The following DCC variants were observed in gnomAD, a reference collection of about 807,000 sequenced individuals.
The protein encoded by DCC is netrin receptor DCC.
DCC carries 58 observed loss-of-function variants against 172.5 expected under a neutral mutation model. The observed-to-expected ratio is 0.34, with a 90% confidence interval of 0.27 to 0.42. The LOEUF is 0.42. DCC is among the 10% of genes least tolerant of loss of function. The pLI is 1.00. For missense variants in DCC, 1,740 were observed against 1,791.0 expected, an observed-to-expected ratio of 0.97 and a Z score of 0.51; for synonymous variants, 709 against 644.5, an observed-to-expected ratio of 1.10 and a Z score of -1.52.
chr18:52,728,348 G>A (rs1208197613), intron 1 of DCC, among the ~76,000 whole-genome samples: 1 of 152,168 alleles, frequency 6.6e-6, no homozygotes, highest in Non-Finnish European at 1.5e-5. Context: ...AAGGGTAGAG[G>A]CATTTAGGAG....
At chr18:52,743,242 C>T (rs1208009515) in intron 1 of DCC, among the ~76,000 whole-genome samples, 1 of 152,176 alleles carries the variant, frequency 6.6e-6, no homozygotes, top group African/African-American at 2.4e-5. Context: ...GTTGACAGTT[C>T]TGCATTTATA....
At chr18:53,318,386 G>C (rs1321065349) in intron 13 of DCC, among the ~76,000 whole-genome samples, 2 of 152,072 alleles carry the variant, frequency 1.3e-5, no homozygotes, top group Non-Finnish European at 2.9e-5. Context: ...TTCCTGAGGA[G>C]TTTTTTTACC....
chr18:52,482,505 G>A (rs2030004059), intron 1 of DCC, among the ~76,000 whole-genome samples: 1 of 152,146 alleles, frequency 6.6e-6, no homozygotes, highest in African/African-American at 2.4e-5. Context: ...GCTGGCAGAT[G>A]CAGTGTCTGA....
rs570439452 is a variant in DCC at position 52,576,769 on chromosome 18, G to T, written c.92-175285G>T. Among the ~76,000 whole-genome samples, 386 of 150,172 alleles carry T rather than the reference G, an allele frequency of 2.6e-3. 1 individual carries two copies. Among genetic ancestry groups the T allele is most frequent in the Non-Finnish European group, 4.3e-3 (291 of 67,822 alleles). ...GGCGTGAACCCGGGAGGCAGAGCTTGCAGTAAGCTGAGATTGCGCCACTGC... is the reference window on the plus strand; with the variant it reads ...GGCGTGAACCCGGGAGGCAGAGCTTTCAGTAAGCTGAGATTGCGCCACTGC... On this transcript the variant is annotated intron_variant, in intron 1 of 28. Transcript: ENST00000442544.
chr18:52,384,152 C>T (rs1033660399), intron 1 of DCC, among the ~76,000 whole-genome samples: 2 of 151,876 alleles, frequency 1.3e-5, no homozygotes, highest in Non-Finnish European at 2.9e-5. Flanking sequence ...TGTTTTTGAA[C>T]TTCTCAATAG....
chr18:52,619,924 G>T (rs964087290), intron 1 of DCC, among the ~76,000 whole-genome samples: 5 of 152,158 alleles, frequency 3.3e-5, no homozygotes, highest in African/African-American at 1.2e-4. Context: ...TCTAGGACTT[G>T]ATTATTAAAA....
chr18:53,065,222 A>G (rs2144086754), intron 6 of DCC, among the ~76,000 whole-genome samples: 1 of 152,332 alleles, frequency 6.6e-6, no homozygotes, highest in Non-Finnish European at 1.5e-5. Flanking sequence ...AAAACAATTA[A>G]GAATTCCCCA....
intron 1 of DCC, among the ~76,000 whole-genome samples, chr18:52,381,237 A>G (rs1331812542): frequency 6.6e-6 from 1 of 152,190 alleles, no homozygotes; most frequent in African/African-American, 2.4e-5. Context: ...TTGATCCTAT[A>G]GTAGATGAAA....
intron 27 of DCC, among the ~76,000 whole-genome samples, chr18:53,509,863 G>C (rs2144523731): frequency 6.6e-6 from 1 of 152,236 alleles, no homozygotes; most frequent in South Asian, 2.1e-4. Flanking sequence ...CAACTTTTCT[G>C]AATCTGAGGC....
intron 27 of DCC, among the ~76,000 whole-genome samples, chr18:53,510,023 ATC>A (rs1251502908): frequency 6.6e-6 from 1 of 152,134 alleles, no homozygotes; most frequent in Non-Finnish European, 1.5e-5. Context: ...TTCTGCAACA[ATC>A]TCTTATTTTT....
At chr18:53,088,564 T>C (rs1445211539) in intron 7 of DCC, among the ~76,000 whole-genome samples, 2 of 151,926 alleles carry the variant, frequency 1.3e-5, no homozygotes, top group Non-Finnish European at 2.9e-5. Flanking sequence ...GACACTAAAA[T>C]AAGAGCAGAA....
chr18:52,698,140 G>C (rs1191269617), intron 1 of DCC, among the ~76,000 whole-genome samples: 2 of 152,156 alleles, frequency 1.3e-5, no homozygotes, highest in African/African-American at 2.4e-5. Context: ...CTTTTAAGAA[G>C]TAATAAAAAA....
intron 15 of DCC, among the ~76,000 whole-genome samples, chr18:53,352,508 G>A (rs1415082104): frequency 6.6e-6 from 1 of 151,988 alleles, no homozygotes; most frequent in East Asian, 1.9e-4. Context: ...TTTGATGTTA[G>A]TGCATCCACT....
At chr18:52,848,946 C>T (rs1385644448) in intron 2 of DCC, among the ~76,000 whole-genome samples, 1 of 152,262 alleles carries the variant, frequency 6.6e-6, no homozygotes, top group East Asian at 1.9e-4. Flanking sequence ...CAGTGTGTAC[C>T]TCAGATGTTG....
chr18:53,038,812 G>C (rs985332860), intron 5 of DCC, among the ~76,000 whole-genome samples: 12 of 152,008 alleles, frequency 7.9e-5, no homozygotes, highest in African/African-American at 2.9e-4. Flanking sequence ...CATTAGAGTA[G>C]TATTCACAGA....
chr18:52,976,332 G>A (rs1048682228), intron 5 of DCC, among the ~76,000 whole-genome samples: 29 of 151,996 alleles, frequency 1.9e-4, no homozygotes, highest in African/African-American at 7.0e-4. Context: ...CTTTTGCTGT[G>A]TAGAACTTCT....
intron 12 of DCC, among the ~76,000 whole-genome samples, chr18:53,289,643 A>AT (rs1403881182): frequency 6.6e-6 from 1 of 152,062 alleles, no homozygotes; most frequent in Non-Finnish European, 1.5e-5. Flanking sequence ...TTATAGTGAG[A>AT]TTTTCTGCAG....
At chr18:52,584,329 G>A (rs751699756) in intron 1 of DCC, among the ~76,000 whole-genome samples, 49 of 152,126 alleles carry the variant, frequency 3.2e-4, no homozygotes, top group Non-Finnish European at 6.0e-4. Context: ...CTCATTGGAC[G>A]AATGTTTAGA....
intron 1 of DCC, among the ~76,000 whole-genome samples, chr18:52,739,065 G>C (rs1244420958): frequency 6.6e-6 from 1 of 152,000 alleles, no homozygotes; most frequent in Non-Finnish European, 1.5e-5. Flanking sequence ...GTTTATAGTA[G>C]CATCACCACA....
Sources: gnomAD v4.1 joint callset for allele counts (sites outside exome capture counted in the v4.1 genomes callset) on GRCh38, gnomAD v4.1.1 for gene constraint, MANE v1.5 for transcripts, NCBI Gene and HGNC (gene_info 2026-07-23, HGNC 2026-07-21) for gene names.